Variants in CCDC157 observed in about 807,000 individuals in gnomAD.
CCDC157 encodes the protein coiled-coil domain containing 157, also known as coiled-coil domain-containing protein 157.
In CCDC157, 60 loss-of-function variants were observed where a neutral mutation model predicts 70.9. The ratio of observed to expected loss-of-function variants is 0.85; its 90% CI spans 0.69 to 1.05. The LOEUF is 1.05. Among genes scored for constraint, CCDC157 ranks in the 50% least tolerant of loss-of-function variants. The probability of loss-of-function intolerance (pLI) is 0.00; values close to 1 mark genes in which losing one functional copy is unlikely to be tolerated. For synonymous variants in CCDC157, 373 were observed against 422.4 expected (o/e 0.88, Z 1.43); for missense variants, 943 against 984.2 (o/e 0.96, Z 0.56).
chr22:30,363,462 C>T (rs1427033519), intron 2 of CCDC157, among the ~76,000 whole-genome samples: 1 of 152,052 alleles, frequency 6.6e-6, no homozygotes, highest in African/African-American at 2.4e-5. Context: ...CTCATGACTC[C>T]TTTAATGCCT....
intron 2 of CCDC157, among the ~76,000 whole-genome samples, chr22:30,365,315 G>C (rs1189791096): frequency 6.7e-6 from 1 of 150,142 alleles, no homozygotes; most frequent in African/African-American, 2.4e-5. Context: ...ACTCGTAGCT[G>C]ATGGTGGTAG....
At chr22:30,370,983 C>G in intron 5 of CCDC157, 33 bp downstream of exon 5, 1 of 1,580,374 alleles carries the variant, frequency 6.3e-7, no homozygotes, top group Non-Finnish European at 8.6e-7. Context: ...GCCTGGTGCC[C>G]AGGGGCTCTG....
At chr22:30,357,496 CT>C (rs1931979140) in intron 1 of CCDC157, among the ~76,000 whole-genome samples, 1 of 152,008 alleles carries the variant, frequency 6.6e-6, no homozygotes, top group Non-Finnish European at 1.5e-5. Flanking sequence ...CTGCTGCTTT[CT>C]TTGTCTTTCT....
chr22:30,356,696 T>C, upstream of CCDC157: 3 of 1,444,636 alleles, frequency 2.1e-6, no homozygotes, highest in Non-Finnish European at 2.8e-6. Flanking sequence ...AGGCCAACCC[T>C]CCGGCTGCAG....
At position 30,375,627 on chromosome 22, in the gene CCDC157, C is replaced by T. The variant is rs776573327; in HGVS notation, c.1821C>T (p.Ser607=). The T allele has an allele frequency of 6.2e-6, 10 of 1,613,984 alleles. No homozygotes were observed. Among genetic ancestry groups the T allele is most frequent in the Non-Finnish European group, 8.5e-6 (10 of 1,179,974 alleles). The change falls in exon 10 of 12, where the codon TCC becomes TCT. Residue 607 remains serine, a synonymous_variant. Coordinates refer to ENST00000338306, the MANE Select transcript of CCDC157 (RefSeq NM_001017437.5). ...ACGGGCGGCTCCAATCAATGCTGTC[C>T]AAAATCCGGGAAGTGGCCCAGCAGG... ...EENGRLQSML[S]KIREVAQQGG... is the part of the protein sequence containing the mutation.
At chr22:30,374,168 TG>T in intron 9 of CCDC157, 77 bp downstream of exon 9, 1 of 1,493,316 alleles carries the variant, frequency 6.7e-7, no homozygotes, top group Non-Finnish European at 9.0e-7. Context: ...GGCAGGACAC[TG>T]GGGACTGCAG....
chr22:30,367,634 C>T (rs563107994), intron 3 of CCDC157, among the ~76,000 whole-genome samples: 118 of 151,904 alleles, frequency 7.8e-4, no homozygotes, highest in African/African-American at 2.6e-3. Context: ...GATCATGCCA[C>T]TGCACTCCAG....
chr22:30,356,721 G>T, upstream of CCDC157: 2 of 1,490,114 alleles, frequency 1.3e-6, no homozygotes, highest in Non-Finnish European at 1.8e-6. Flanking sequence ...AGGGGCGGGG[G>T]AGAGGTACCT....
Position 30,375,774 on chromosome 22 carries a change from C to G in CCDC157, c.1857+111C>G, listed in dbSNP as rs1027246943. ...GGAGAGCCCACCTCATCACATGAGG[C>G]CTTAGGCTGTGCTTTTGTGAAACAT... On this transcript the variant is annotated intron_variant, in intron 10 of 11. Transcript: ENST00000338306. The G allele has an allele frequency of 5.5e-6, 5 of 905,568 alleles. No homozygotes were observed. In the Admixed American group the frequency reaches 9.0e-5, roughly 16 times the overall value. The allele number at this position is 905,568 out of a possible 1,614,324, so 56.1% of individuals were successfully genotyped here. A position where few individuals can be genotyped will look rare whatever the true frequency, so the allele number is the denominator to read the frequency against.
In CCDC157 at chr22:30,374,102, G is replaced by A. The variant is rs781521667; in HGVS notation, c.1672+11G>A. On this transcript the variant is annotated intron_variant, in intron 9 of 11. Transcript: ENST00000338306. ...AGACCCAGATCCATGGTAGGGGACTGGGGATGGTGCCAAGGGCATGCTGGG... is the reference window on the plus strand; with the variant it reads ...AGACCCAGATCCATGGTAGGGGACTAGGGATGGTGCCAAGGGCATGCTGGG... 1.6e-5 allele frequency: 26 copies of A among 1,585,580 alleles called. No individual in the cohort carries two copies. The highest frequency in any genetic ancestry group is 7.7e-6 in the Non-Finnish European group (9 of 1,167,230).
At chr22:30,364,920 GAAGTC>G (rs941364297) in intron 2 of CCDC157, among the ~76,000 whole-genome samples, 14 of 151,636 alleles carry the variant, frequency 9.2e-5, no homozygotes, top group African/African-American at 3.1e-4. Context: ...TTGCACTTTA[GAAGTC>G]AAGTGCATTT....
chr22:30,370,043 C>T, intron 4 of CCDC157: 1 of 534,678 alleles, frequency 1.9e-6, no homozygotes, highest in Non-Finnish European at 3.4e-6. Flanking sequence ...CAGTAACCAG[C>T]AGCTGTGACC....
intron 1 of CCDC157, among the ~76,000 whole-genome samples, chr22:30,359,728 A>G (rs368016883): frequency 6.6e-6 from 1 of 152,262 alleles, no homozygotes; most frequent in African/African-American, 2.4e-5. Context: ...ATATGTTGAA[A>G]TGATAATGTT....
chr22:30,362,370 G>A (rs889677637), intron 2 of CCDC157, among the ~76,000 whole-genome samples: 14 of 152,210 alleles, frequency 9.2e-5, no homozygotes, highest in Admixed American at 3.9e-4. Flanking sequence ...AGGGAACCTC[G>A]CCCGGCCTGG....
At position 30,366,016 on chromosome 22, in the gene CCDC157, G is replaced by A; in HGVS notation, c.16G>A (p.Gly6Ser). 1 of 1,598,504 alleles carries A rather than the reference G, an allele frequency of 6.3e-7. No homozygotes were observed. Among genetic ancestry groups the A allele is most frequent in the Non-Finnish European group, 8.5e-7 (1 of 1,178,204 alleles). Residue 6 changes from glycine (G) to serine (S), a missense_variant, in exon 3 of 12, where the codon GGC becomes AGC. Gly to Ser is a moderately conservative substitution (Grantham distance 56). Transcript: ENST00000338306. Reference protein sequence around the residue: MAHLLGSQACMESLRT... With the variant: MAHLLSSQACMESLRT... Reference sequence around the variant, plus strand: ...ATCTGTGAGGATGGCGCACCTGCTGGGCAGCCAGGCCTGCATGGAGAGCCT... The same window carrying A: ...ATCTGTGAGGATGGCGCACCTGCTGAGCAGCCAGGCCTGCATGGAGAGCCT...
At position 30,378,035 on chromosome 22, in the gene CCDC157, T is replaced by TG. The variant is rs1010161685; in HGVS notation, c.*1291dup. On this transcript the variant is annotated 3_prime_UTR_variant, in exon 12 of 12. Transcript: ENST00000338306. Reference sequence around the variant, plus strand: ...CACTTGTTGGCAGAATTCCGATCCTTGCGGCTGTGGGACTGAGGTCCCCAT... The same window carrying TG: ...CACTTGTTGGCAGAATTCCGATCCTTGGCGGCTGTGGGACTGAGGTCCCCAT... 4.4e-6 allele frequency: 2 copies of TG among 458,188 alleles called. No homozygotes were observed. The highest frequency in any genetic ancestry group is 9.1e-6 in the Non-Finnish European group (2 of 220,574). 28.4% of individuals were successfully genotyped at this position (458,188 alleles called of 1,614,324 possible).
chr22:30,377,084 G>T lies in CCDC157; in HGVS notation c.*339G>T. ...TTTCTATCCCCAGAGCAAGGGTCGA[G>T]GGGTGAACCTTGGCTCAGTGGCCCG... On this transcript the variant is annotated 3_prime_UTR_variant, in exon 12 of 12. Transcript: ENST00000338306. 2.8e-6 allele frequency: 1 copy of T among 361,196 alleles called. No homozygotes were observed. The highest frequency in any genetic ancestry group is 2.0e-5 in the African/African-American group (1 of 49,130). The allele number at this position is 361,196 out of a possible 1,614,324, so 22.4% of individuals were successfully genotyped here. A position where few individuals can be genotyped will look rare whatever the true frequency, so the allele number is the denominator to read the frequency against.
intron 1 of CCDC157, among the ~76,000 whole-genome samples, chr22:30,360,973 G>A (rs1932298340): frequency 6.6e-6 from 1 of 152,150 alleles, no homozygotes; most frequent in Non-Finnish European, 1.5e-5. Flanking sequence ...CTTGAACCCA[G>A]GAAGTGGAGG....
At chr22:30,374,153 G>C in intron 9 of CCDC157, 62 bp downstream of exon 9, 1 of 1,531,366 alleles carries the variant, frequency 6.5e-7, no homozygotes, top group East Asian at 2.4e-5. Context: ...CTGAGGGCTC[G>C]TGTGGGCAGG....
Sources: allele counts gnomAD v4.1 joint callset (sites outside exome capture counted in the v4.1 genomes callset), GRCh38; gene constraint gnomAD v4.1.1; transcripts MANE v1.5; gene names NCBI Gene and HGNC (gene_info 2026-07-23, HGNC 2026-07-21).